MYO3A: variants seen among roughly 807,000 people sequenced by gnomAD.
MYO3A encodes myosin IIIA.
MYO3A carries 180 observed loss-of-function variants against 192.7 expected under a neutral mutation model. That is an observed-to-expected ratio of 0.93 (90% confidence interval 0.83 to 1.06). The LOEUF (loss-of-function observed/expected upper bound fraction) is 1.06, where lower values mean the gene tolerates loss of function less well. Ranked by LOEUF, MYO3A falls within the 50% of genes least tolerant of loss-of-function variation. The pLI is 0.00. For missense variants in MYO3A, 1,896 were observed against 1,905.0 expected (o/e 1.00, Z 0.09); for synonymous variants, 628 against 645.3 (o/e 0.97, Z 0.41).
chr10:25,996,667 G>GA (rs1217044668), intron 5 of MYO3A, 73 bp downstream of exon 5: 2 of 1,226,136 alleles, frequency 1.6e-6, no homozygotes, highest in Non-Finnish European at 2.4e-6. Context: ...CCTATTTTTA[G>GA]AAAAATGTCA....
intron 10 of MYO3A, among the ~76,000 whole-genome samples, chr10:26,030,885 C>A (rs1243703821): frequency 6.6e-6 from 1 of 152,070 alleles, no homozygotes; most frequent in Non-Finnish European, 1.5e-5. Flanking sequence ...TAAGTCAAGA[C>A]CTGAATATAA....
In MYO3A at chr10:25,995,067, G is replaced by A. The variant is rs1417455022; in HGVS notation, c.304-1423G>A. 2.6e-5 allele frequency among the ~76,000 whole-genome samples: 4 copies of A among 152,218 alleles called. No individual in the cohort carries two copies. The East Asian group carries it at 5.8e-4, about 22-fold the overall frequency. Reference sequence around the variant, plus strand: ...TTTGAATGTTGTCCTGCCTTGCTTGGTTGGGGAAGTTCTCCTGGATAATAT... The same window carrying A: ...TTTGAATGTTGTCCTGCCTTGCTTGATTGGGGAAGTTCTCCTGGATAATAT... On this transcript the variant is annotated intron_variant, in intron 4 of 34. Coordinates refer to ENST00000642920, the MANE Select transcript of MYO3A (RefSeq NM_017433.5).
intron 17 of MYO3A, among the ~76,000 whole-genome samples, chr10:26,097,117 A>G (rs1837087052): frequency 1.3e-5 from 2 of 152,028 alleles, no homozygotes; most frequent in Non-Finnish European, 2.9e-5. Flanking sequence ...ATTCATGACC[A>G]TAATCATTTT....
chr10:26,139,882 TAA>T (rs987999820), intron 20 of MYO3A, among the ~76,000 whole-genome samples: 1 of 146,036 alleles, frequency 6.8e-6, no homozygotes, highest in Non-Finnish European at 1.5e-5. Context: ...ACAGATTGTC[TAA>T]AAAAAAAAAG....
intron 4 of MYO3A, among the ~76,000 whole-genome samples, chr10:25,956,124 G>A (rs914731100): frequency 6.6e-6 from 1 of 152,082 alleles, no homozygotes; most frequent in Non-Finnish European, 1.5e-5. Flanking sequence ...ACTGTGTGGA[G>A]CGTCTTTTTA....
At chr10:26,117,152 G>A (rs896568873) in intron 17 of MYO3A, among the ~76,000 whole-genome samples, 3 of 152,126 alleles carry the variant, frequency 2.0e-5, no homozygotes, top group African/African-American at 7.2e-5. Flanking sequence ...GGTAGGATTT[G>A]GAGATGCAAC....
chr10:26,211,920 T>G lies in MYO3A; in HGVS notation c.4808T>G (p.Leu1603Arg). 6.2e-7 allele frequency: 1 copy of G among 1,614,002 alleles called. No homozygotes were observed. The change falls in exon 35 of 35, where the codon CTG becomes CGG. Residue 1603 changes from leucine to arginine, a missense_variant. By Grantham distance (102) the Leu-to-Arg change is moderately radical (BLOSUM62 -2). Transcript: ENST00000642920. The part of the protein sequence containing the change: ...AANPYDFRRL[L>R]RKTSQRRRLV... ...AACCCCTACGACTTCAGGAGGCTCC[T>G]GCGCAAAACCTCCCAGCGCCGGCGC...
chr10:25,959,409 G>A lies in MYO3A; in HGVS notation c.303+4401G>A, dbSNP rs1837775893. 2.6e-5 allele frequency among the ~76,000 whole-genome samples: 4 copies of A among 152,220 alleles called. 1 individual carries two copies. In the South Asian group the frequency reaches 8.3e-4, roughly 32 times the overall value. ...AATAAAAACATAGACCCAGTTTAGT[G>A]GTGCCACCTTCTCCTGAGCAGTCCA... On this transcript the variant is annotated intron_variant, in intron 4 of 34. Transcript: ENST00000642920.
chr10:26,131,481 A>G (rs578257755), intron 20 of MYO3A, among the ~76,000 whole-genome samples: 1 of 152,228 alleles, frequency 6.6e-6, no homozygotes, highest in East Asian at 1.9e-4. Context: ...AGGAATCTCT[A>G]TTATCCACTC....
At chr10:26,138,787 GAGGATGATTTCCCC>G (rs1461080866) in intron 20 of MYO3A, among the ~76,000 whole-genome samples, 1 of 152,214 alleles carries the variant, frequency 6.6e-6, no homozygotes, top group African/African-American at 2.4e-5. Flanking sequence ...TCAAACTCAA[GAGGATGATTTCCCC>G]AGGAAAGTCA....
intron 32 of MYO3A, 32 bp downstream of exon 32, chr10:26,193,343 G>A (rs760935035): frequency 4.0e-6 from 6 of 1,504,618 alleles, no homozygotes; most frequent in South Asian, 1.1e-5. Context: ...TCAGATGGGA[G>A]CCATCACATC....
At chr10:26,125,205 G>A (rs1243951186) in intron 18 of MYO3A, among the ~76,000 whole-genome samples, 193 bp from the exon 19 acceptor site, 1 of 152,168 alleles carries the variant, frequency 6.6e-6, no homozygotes, top group Non-Finnish European at 1.5e-5. Flanking sequence ...AGTTTAACCA[G>A]CTGAGAAAAG....
At chr10:26,080,175 G>T (rs1835829291) in intron 14 of MYO3A, among the ~76,000 whole-genome samples, 1 of 152,128 alleles carries the variant, frequency 6.6e-6, no homozygotes, top group Non-Finnish European at 1.5e-5. Flanking sequence ...CTTAGATTTG[G>T]TTGTTTAACA....
intron 4 of MYO3A, 104 bp downstream of exon 4, chr10:25,955,112 A>G (rs1837458761): frequency 2.0e-6 from 3 of 1,493,124 alleles, no homozygotes; most frequent in Non-Finnish European, 1.9e-6. Flanking sequence ...AACAGTTCTG[A>G]TAAGTTCCTG....
chr10:26,008,913 A>G (rs1841423006), intron 6 of MYO3A, among the ~76,000 whole-genome samples: 1 of 151,746 alleles, frequency 6.6e-6, no homozygotes. Context: ...ATGCTGCTAT[A>G]AAGACACATG....
intron 2 of MYO3A, among the ~76,000 whole-genome samples, chr10:25,950,549 G>A (rs959681025): frequency 1.3e-5 from 2 of 152,124 alleles, no homozygotes; most frequent in African/African-American, 4.8e-5. Flanking sequence ...TGGTTGTATG[G>A]TTTTCTCAGT....
intron 9 of MYO3A, 108 bp downstream of exon 9, chr10:26,024,195 T>G: frequency 9.0e-7 from 1 of 1,108,666 alleles, no homozygotes; most frequent in South Asian, 1.3e-5. Flanking sequence ...TTTCTATTAT[T>G]TTCTTCAAAG....
chr10:26,190,163 A>G (rs1434468709), intron 31 of MYO3A, among the ~76,000 whole-genome samples: 1 of 152,224 alleles, frequency 6.6e-6, no homozygotes, highest in Admixed American at 6.6e-5. Flanking sequence ...CACAGTTATT[A>G]AATGAGTCGT....
intron 32 of MYO3A, among the ~76,000 whole-genome samples, chr10:26,194,419 A>G (rs749700014): frequency 6.6e-6 from 1 of 151,992 alleles, no homozygotes; most frequent in East Asian, 1.9e-4. Context: ...GGTGAGCTGC[A>G]TTCCCTCATG....
Sources: gnomAD v4.1 joint callset for allele counts (sites outside exome capture counted in the v4.1 genomes callset) on GRCh38, gnomAD v4.1.1 for gene constraint, MANE v1.5 for transcripts, NCBI Gene and HGNC (gene_info 2026-07-23, HGNC 2026-07-21) for gene names.